Variants in CLEC16A observed in about 807,000 individuals in gnomAD.
The protein encoded by CLEC16A is C-type lectin domain containing 16A, also known as protein CLEC16A.
CLEC16A carries 51 observed loss-of-function variants against 109.5 expected under a neutral mutation model. That is an observed-to-expected ratio of 0.47 (90% CI 0.37 to 0.59). The LOEUF (loss-of-function observed/expected upper bound fraction) is 0.59, where lower values mean the gene tolerates loss of function less well. CLEC16A is among the 20% of genes least tolerant of loss of function. CLEC16A has a pLI of 0.00. For synonymous variants in CLEC16A, 673 were observed against 564.2 expected, an observed-to-expected ratio of 1.19 and a Z score of -2.73; for missense variants, 1,339 against 1,394.0, an observed-to-expected ratio of 0.96 and a Z score of 0.63.
intron 19 of CLEC16A, among the ~76,000 whole-genome samples, chr16:11,067,189 G>GTTTTTTTT (rs71406205): frequency 3.0e-5 from 3 of 98,964 alleles, no homozygotes; most frequent in East Asian, 3.1e-4. Flanking sequence ...GTTTGTTTTT[G>GTTTTTTTT]TTTTTTTTTT....
chr16:11,120,447 C>G (rs1311922983), intron 19 of CLEC16A, among the ~76,000 whole-genome samples, 168 bp from the exon 20 acceptor site: 1 of 152,166 alleles, frequency 6.6e-6, no homozygotes, highest in African/African-American at 2.4e-5. Flanking sequence ...AAGAAACTTT[C>G]CCGGCATAAC....
chr16:10,962,475 T>G lies in CLEC16A; in HGVS notation c.230T>G (p.Met77Arg). ...SVFDFFLEKNMFVFFLNILRQ... is the reference protein window; with the variant it reads ...SVFDFFLEKNRFVFFLNILRQ... ...CCCAGCTTCTTCCTGGAGAAGAATATGTTTGTTTTCTTCTTGAACATCTTG... is the reference window on the plus strand; with the variant it reads ...CCCAGCTTCTTCCTGGAGAAGAATAGGTTTGTTTTCTTCTTGAACATCTTG... The change falls in exon 3 of 24, where the codon ATG becomes AGG. Residue 77 changes from methionine to arginine, a missense_variant. Met to Arg is a moderately conservative substitution (Grantham distance 91, BLOSUM62 -1). Around this residue, in one of 3 missense-constraint regions of CLEC16A, gnomAD observed 117 missense variants for 120.2 expected, o/e 0.97. Coordinates refer to ENST00000409790, the MANE Select transcript of CLEC16A (RefSeq NM_015226.3). 3.1e-6 allele frequency: 5 copies of G among 1,613,974 alleles called. No homozygotes were observed. Among genetic ancestry groups the G allele is most frequent in the Non-Finnish European group, 4.2e-6 (5 of 1,179,882 alleles).
chr16:11,039,128 G>T (rs1197056128), intron 13 of CLEC16A, among the ~76,000 whole-genome samples: 1 of 152,148 alleles, frequency 6.6e-6, no homozygotes, highest in East Asian at 1.9e-4. Flanking sequence ...GTGGCAGTGA[G>T]TTGTGCTATG....
In CLEC16A at chr16:10,944,819, G is replaced by A. The variant is rs200209609; in HGVS notation, c.80+22G>A. The A allele has an allele frequency of 5.7e-6, 9 of 1,581,456 alleles. No individual in the cohort carries two copies. In the South Asian group the frequency reaches 9.1e-5, roughly 16 times the overall value. Reference sequence around the variant, plus strand: ...TCAAGTGAGTGTGGGGGGCGTAGCGGGAGGCCTCGGGGCTGGACAGGGGGA... The same window carrying A: ...TCAAGTGAGTGTGGGGGGCGTAGCGAGAGGCCTCGGGGCTGGACAGGGGGA... On this transcript the variant is annotated intron_variant, in intron 1 of 23. Transcript: ENST00000409790.
intron 22 of CLEC16A, among the ~76,000 whole-genome samples, chr16:11,138,813 G>T (rs1202472715): frequency 6.6e-6 from 1 of 152,148 alleles, no homozygotes; most frequent in East Asian, 1.9e-4. Flanking sequence ...TCAAACCACT[G>T]TTCATTGAGC....
intron 22 of CLEC16A, among the ~76,000 whole-genome samples, chr16:11,134,568 G>A (rs1342080705): frequency 7.2e-5 from 11 of 152,086 alleles, no homozygotes; most frequent in African/African-American, 2.4e-4. Flanking sequence ...AAGATGCTTG[G>A]GACCATGAGT....
chr16:11,110,006 C>G (rs1321781352), intron 19 of CLEC16A, among the ~76,000 whole-genome samples: 1 of 152,180 alleles, frequency 6.6e-6, no homozygotes, highest in Non-Finnish European at 1.5e-5. Context: ...GGATTGGCAT[C>G]CGTATTTTAT....
At chr16:11,024,132 T>C (rs1312665381) in intron 12 of CLEC16A, 14 of 152,240 alleles carry the variant, frequency 9.2e-5, no homozygotes, top group Admixed American at 2.0e-4. Context: ...CATGAAGTAG[T>C]GCCCTTGGTA....
intron 22 of CLEC16A, among the ~76,000 whole-genome samples, chr16:11,130,617 C>T (rs1303870075): frequency 6.6e-6 from 1 of 152,156 alleles, no homozygotes; most frequent in Non-Finnish European, 1.5e-5. Context: ...GAAACCTGGC[C>T]CAGGTTGGCC....
At chr16:11,134,439 G>T (rs976049796) in intron 22 of CLEC16A, among the ~76,000 whole-genome samples, 9 of 152,094 alleles carry the variant, frequency 5.9e-5, no homozygotes, top group African/African-American at 2.2e-4. Flanking sequence ...GGAAACTGAG[G>T]CTCAAAGCAA....
Position 11,001,609 on chromosome 16 carries a change from G to A in CLEC16A, c.1072-1465G>A, listed in dbSNP as rs567440944. 6.7e-4 allele frequency among the ~76,000 whole-genome samples: 102 copies of A among 152,206 alleles called. No homozygotes were observed. The Middle Eastern group carries it at 0.01, about 15-fold the overall frequency. On this transcript the variant is annotated intron_variant, in intron 10 of 23. Coordinates refer to ENST00000409790, the MANE Select transcript of CLEC16A (RefSeq NM_015226.3). ...GGACTGATAATTCCTATATATTATG[G>A]TTGTTATAAAGACTGAGATATACTA...
chr16:11,090,095 T>C (rs756475471), intron 19 of CLEC16A, among the ~76,000 whole-genome samples: 2 of 152,166 alleles, frequency 1.3e-5, no homozygotes, highest in African/African-American at 2.4e-5. Context: ...TATTTAGTTC[T>C]CCACCAAACA....
intron 12 of CLEC16A, among the ~76,000 whole-genome samples, chr16:11,021,886 C>T (rs868462436): frequency 6.6e-6 from 1 of 152,036 alleles, no homozygotes; most frequent in Non-Finnish European, 1.5e-5. Flanking sequence ...ACATACTTTT[C>T]GTAGTATGGT....
At chr16:10,956,197 C>T (rs992622645) in intron 1 of CLEC16A, among the ~76,000 whole-genome samples, 1 of 152,222 alleles carries the variant, frequency 6.6e-6, no homozygotes, top group African/African-American at 2.4e-5. Flanking sequence ...CTTCTAATTA[C>T]TGCATATTAA....
intron 22 of CLEC16A, among the ~76,000 whole-genome samples, chr16:11,152,904 C>T (rs952981430): frequency 6.6e-6 from 1 of 152,110 alleles, no homozygotes; most frequent in Non-Finnish European, 1.5e-5. Context: ...AAGGCTGAGA[C>T]GCTTCCAGGA....
At chr16:11,075,404 G>GTC (rs1167565965) in intron 19 of CLEC16A, among the ~76,000 whole-genome samples, 14 of 123,286 alleles carry the variant, frequency 1.1e-4, no homozygotes, top group Non-Finnish European at 2.1e-4. Context: ...GTGTGTGTGT[G>GTC]TGTGTGTCTG....
intron 1 of CLEC16A, among the ~76,000 whole-genome samples, chr16:10,950,399 C>T (rs923477574): frequency 2.0e-5 from 3 of 152,212 alleles, no homozygotes; most frequent in African/African-American, 7.2e-5. Flanking sequence ...TTCCCAACAA[C>T]TGCTTGTTCT....
At chr16:11,094,473 G>T (rs2050490100) in intron 19 of CLEC16A, among the ~76,000 whole-genome samples, 1 of 152,236 alleles carries the variant, frequency 6.6e-6, no homozygotes, top group South Asian at 2.1e-4. Context: ...GGCTCCAGCT[G>T]CTCAGAGGAG....
chr16:11,023,616 T>TG (rs2046245216), intron 12 of CLEC16A, among the ~76,000 whole-genome samples: 2 of 152,134 alleles, frequency 1.3e-5, no homozygotes, highest in South Asian at 4.2e-4. Flanking sequence ...TTCCTACTTT[T>TG]TTTTTTTGCA....
Sources: gnomAD v4.1 joint callset for allele counts (sites outside exome capture counted in the v4.1 genomes callset) on GRCh38, gnomAD v4.1.1 for gene constraint, gnomAD v4.1.1 regional missense constraint, MANE v1.5 for transcripts, NCBI Gene and HGNC (gene_info 2026-07-23, HGNC 2026-07-21) for gene names.